Variants in TFDP2 observed in about 807,000 individuals in gnomAD.
The protein encoded by TFDP2 is transcription factor Dp-2, also known as transcription factor Dp-2 (E2F dimerization partner 2).
Under a neutral mutation model 59.3 loss-of-function variants are expected in TFDP2, and 17 were observed. The ratio of observed to expected loss-of-function variants is 0.29; its 90% CI spans 0.20 to 0.43. The LOEUF (loss-of-function observed/expected upper bound fraction) is 0.43. Ranked by LOEUF, TFDP2 falls within the 20% of genes least tolerant of loss-of-function variation. The pLI, the probability that TFDP2 is intolerant of heterozygous loss-of-function variation, is 1.00. For synonymous variants in TFDP2, 180 were observed against 194.7 expected (o/e 0.92, Z 0.63); for missense variants, 391 against 528.8 (o/e 0.74, Z 2.56).
intron 3 of TFDP2, chr3:142,043,831 T>C (rs1429284300): frequency 1.1e-5 from 17 of 1,539,104 alleles, no homozygotes; most frequent in Non-Finnish European, 1.5e-5. Flanking sequence ...CACATTTCCC[T>C]TCACCTTCAG....
At chr3:142,082,199 G>T (rs1017660282) in intron 3 of TFDP2, among the ~76,000 whole-genome samples, 13 of 152,174 alleles carry the variant, frequency 8.5e-5, no homozygotes, top group African/African-American at 3.1e-4. Flanking sequence ...TGCTCCTTGT[G>T]AGAATCTCAT....
At chr3:142,107,002 T>C (rs1220403125) in intron 1 of TFDP2, among the ~76,000 whole-genome samples, 2 of 152,154 alleles carry the variant, frequency 1.3e-5, no homozygotes, top group African/African-American at 4.8e-5. Context: ...TAAAAATTAA[T>C]AGGAAAGGTA....
chr3:141,979,020 T>C (rs1019739241), intron 6 of TFDP2, among the ~76,000 whole-genome samples: 4 of 152,246 alleles, frequency 2.6e-5, no homozygotes, highest in African/African-American at 9.6e-5. Context: ...AACAGACTTA[T>C]CTTTTCCTAC....
intron 11 of TFDP2, among the ~76,000 whole-genome samples, 193 bp from the exon 12 acceptor site, chr3:141,953,209 G>A (rs574966580): frequency 8.4e-4 from 127 of 151,786 alleles, no homozygotes; most frequent in South Asian, 1.5e-3. Context: ...GAACATAAGA[G>A]CAGGAAAAAA....
intron 3 of TFDP2, among the ~76,000 whole-genome samples, chr3:142,057,868 C>T (rs2059793798): frequency 6.6e-6 from 1 of 152,176 alleles, no homozygotes; most frequent in South Asian, 2.1e-4. Context: ...CCATCCATAC[C>T]ATCACAGAGT....
chr3:142,027,782 G>A (rs1279775276), intron 3 of TFDP2, among the ~76,000 whole-genome samples: 2 of 152,070 alleles, frequency 1.3e-5, no homozygotes, highest in Admixed American at 6.6e-5. Flanking sequence ...TTGTTTAGGG[G>A]TAAGATTTTC....
intron 3 of TFDP2, among the ~76,000 whole-genome samples, chr3:142,056,434 T>C (rs2059749355): frequency 6.6e-6 from 1 of 151,896 alleles, no homozygotes; most frequent in African/African-American, 2.4e-5. Flanking sequence ...TAGCACAGGG[T>C]ATCACAGGTG....
At chr3:142,148,793 A>G (rs1363044577) in intron 1 of TFDP2, among the ~76,000 whole-genome samples, 2 of 152,232 alleles carry the variant, frequency 1.3e-5, no homozygotes, top group African/African-American at 2.4e-5. Context: ...CTCTTTAAAA[A>G]CAAACAAAAC....
At chr3:142,094,577 T>C (rs2061103663) in intron 2 of TFDP2, among the ~76,000 whole-genome samples, 1 of 152,116 alleles carries the variant, frequency 6.6e-6, no homozygotes, top group Non-Finnish European at 1.5e-5. Flanking sequence ...AGTGCTGGGA[T>C]TACAGGCATC....
intron 6 of TFDP2, among the ~76,000 whole-genome samples, chr3:141,992,933 C>A (rs1388469786): frequency 6.6e-6 from 1 of 152,152 alleles, no homozygotes; most frequent in Non-Finnish European, 1.5e-5. Context: ...TGATGCACAG[C>A]CAGAATGGAG....
chr3:141,958,230 G>T (rs1268923993), intron 11 of TFDP2, among the ~76,000 whole-genome samples: 2 of 151,882 alleles, frequency 1.3e-5, no homozygotes, highest in Non-Finnish European at 2.9e-5. Context: ...CAAGCAATCG[G>T]AAACAAACAG....
chr3:142,108,126 A>G (rs550622937), intron 1 of TFDP2, among the ~76,000 whole-genome samples: 2 of 152,014 alleles, frequency 1.3e-5, no homozygotes, highest in Non-Finnish European at 2.9e-5. Context: ...GATATGTAAC[A>G]TTTCTCCTTT....
At chr3:142,012,640 G>T (rs971944412) in intron 3 of TFDP2, among the ~76,000 whole-genome samples, 5 of 152,058 alleles carry the variant, frequency 3.3e-5, no homozygotes, top group African/African-American at 1.2e-4. Flanking sequence ...CCTATTATAA[G>T]AGAACACGAT....
intron 1 of TFDP2, among the ~76,000 whole-genome samples, chr3:142,112,928 T>G (rs1291549665): frequency 6.6e-6 from 1 of 152,196 alleles, no homozygotes; most frequent in Non-Finnish European, 1.5e-5. Flanking sequence ...TCTTAATTAC[T>G]GAAAACAAAA....
chr3:142,046,044 C>G (rs774280472), intron 3 of TFDP2, among the ~76,000 whole-genome samples: 1 of 152,152 alleles, frequency 6.6e-6, no homozygotes, highest in Non-Finnish European at 1.5e-5. Flanking sequence ...TATATACTAT[C>G]TAGAGCACAC....
At chr3:142,078,395 A>G (rs1477443955) in intron 3 of TFDP2, among the ~76,000 whole-genome samples, 1 of 152,194 alleles carries the variant, frequency 6.6e-6, no homozygotes, top group African/African-American at 2.4e-5. Context: ...CCACAGGGAT[A>G]CTTATGTAAC....
At chr3:142,060,528 C>T (rs1188831185) in intron 3 of TFDP2, among the ~76,000 whole-genome samples, 1 of 152,120 alleles carries the variant, frequency 6.6e-6, no homozygotes, top group Non-Finnish European at 1.5e-5. Flanking sequence ...TCTCAATAGC[C>T]TGCCATTACA....
At chr3:142,137,781 C>A (rs2062790766) in intron 1 of TFDP2, among the ~76,000 whole-genome samples, 1 of 152,098 alleles carries the variant, frequency 6.6e-6, no homozygotes, top group Non-Finnish European at 1.5e-5. Context: ...TTGGATTTGC[C>A]AGTATTTTAC....
chr3:141,973,123 A>ATTTTTTTTTT (rs761950988), intron 8 of TFDP2, among the ~76,000 whole-genome samples: 8 of 58,014 alleles, frequency 1.4e-4, no homozygotes, highest in Non-Finnish European at 2.2e-4. Flanking sequence ...ATATATATAT[A>ATTTTTTTTTT]TTTTTTTTTT....
Sources: gnomAD v4.1 joint callset for allele counts (sites outside exome capture counted in the v4.1 genomes callset) on GRCh38, gnomAD v4.1.1 for gene constraint, MANE v1.5 for transcripts, NCBI Gene and HGNC (gene_info 2026-07-23, HGNC 2026-07-21) for gene names.